The following ADAT2 variants were observed in gnomAD, a reference collection of about 807,000 sequenced individuals.
The protein encoded by ADAT2 is tRNA-specific adenosine-34 deaminase catalytic subunit ADAT2.
Under a neutral mutation model 25.9 loss-of-function variants are expected in ADAT2, and 26 were observed. The ratio of observed to expected loss-of-function variants is 1.00; its 90% CI spans 0.74 to 1.39. The LOEUF (loss-of-function observed/expected upper bound fraction) is 1.39, where lower values mean the gene tolerates loss of function less well. ADAT2 is among the 40% of genes most tolerant of loss of function. ADAT2 has a pLI of 0.00. For synonymous variants in ADAT2, 76 were observed against 86.8 expected (o/e 0.88, Z 0.69); for missense variants, 220 against 244.8 (o/e 0.90, Z 0.68).
At chr6:143,443,165 T>C (rs1360766377) in intron 1 of ADAT2, among the ~76,000 whole-genome samples, 1 of 151,866 alleles carries the variant, frequency 6.6e-6, no homozygotes, top group African/African-American at 2.4e-5. Flanking sequence ...TTTTTATACA[T>C]GTATATATCT....
In ADAT2 at chr6:143,444,927, C is replaced by T. The variant is rs1779559460; in HGVS notation, c.96+5636G>A. Reference sequence around the variant, plus strand: ...TAAAAGGGGGAGAGATGGAAACAGACCTTGTTTGCACACAGTTTGATGAGT... The same window carrying T: ...TAAAAGGGGGAGAGATGGAAACAGATCTTGTTTGCACACAGTTTGATGAGT... On this transcript the variant is annotated intron_variant, in intron 1 of 5. Transcript: ENST00000237283. This position sits in a 1 kb window ranked among gnomAD's most constrained non-coding sequence, Gnocchi z 4.3. The T allele has an allele frequency of 7.7e-7, 1 of 1,302,754 alleles. No homozygotes were observed. The highest frequency in any genetic ancestry group is 1.0e-6 in the Non-Finnish European group (1 of 988,182). 80.7% of individuals were successfully genotyped at this position (1,302,754 alleles called of 1,614,324 possible). A position where few individuals can be genotyped will look rare whatever the true frequency, so the allele number is the denominator to read the frequency against.
rs1779142724 is a variant in ADAT2, at chr6:143,432,445, A to G, written c.459+60T>C. The G allele has an allele frequency of 6.9e-7, 1 of 1,458,360 alleles. No individual in the cohort carries two copies. The highest frequency in any genetic ancestry group is 1.7e-5 in the Admixed American group (1 of 59,352). The allele number at this position is 1,458,360 out of a possible 1,614,324, so 90.3% of individuals were successfully genotyped here. A position where few individuals can be genotyped will look rare whatever the true frequency, so the allele number is the denominator to read the frequency against. The stretch of plus-strand genomic sequence containing the variant: ...ACTGGCCACACACTAGTTATTCACA[A>G]GCCCATAAAGAGATGAAAATAATTA... On this transcript the variant is annotated intron_variant, in intron 4 of 5. Transcript: ENST00000237283. This position sits in a 1 kb window ranked among gnomAD's most constrained non-coding sequence, Gnocchi z 4.4.
Position 143,444,292 on chromosome 6 carries a change from T to C in ADAT2, c.97-5598A>G. The stretch of plus-strand genomic sequence containing the variant: ...GACAAATAACGTCATTGTTGAGGAA[T>C]GGCCGAGCCTGCCATGCTGAGGATG... On this transcript the variant is annotated intron_variant, in intron 1 of 5. Transcript: ENST00000237283. This position sits in a 1 kb window ranked among gnomAD's most constrained non-coding sequence, Gnocchi z 4.3. Among the ~76,000 whole-genome samples the C allele has an allele frequency of 6.6e-6, 1 of 152,108 alleles. No homozygotes were observed. The highest frequency in any genetic ancestry group is 1.9e-4 in the East Asian group (1 of 5,194).
At position 143,437,980 on chromosome 6, in the gene ADAT2, T is replaced by A. The variant is rs1779341165; in HGVS notation, c.201+610A>T. On this transcript the variant is annotated intron_variant, in intron 2 of 5. Coordinates refer to ENST00000237283, the MANE Select transcript of ADAT2 (RefSeq NM_182503.3). The surrounding 1 kb of genome is among the most constrained non-coding windows in gnomAD (Gnocchi z 4.1). ...CTTCCCAACCTAACCACAATAAAAG[T>A]CATACAAGCTATTAAAATGTACATG... 6.6e-6 allele frequency among the ~76,000 whole-genome samples: 1 copy of A among 152,130 alleles called. No individual in the cohort carries two copies. The highest frequency in any genetic ancestry group is 1.5e-5 in the Non-Finnish European group (1 of 68,006).
At chr6:143,439,291 C>G (rs1329534718) in intron 1 of ADAT2, among the ~76,000 whole-genome samples, 1 of 135,130 alleles carries the variant, frequency 7.4e-6, no homozygotes, top group African/African-American at 2.8e-5. Flanking sequence ...AACACACACA[C>G]AGTCTATAAC....
In ADAT2 at chr6:143,428,571, T is replaced by C. The variant is rs758365745; in HGVS notation, c.532+41A>G. The C allele has an allele frequency of 6.8e-6, 11 of 1,612,672 alleles. No homozygotes were observed. In the African/African-American group the frequency reaches 1.2e-4, roughly 18 times the overall value. On this transcript the variant is annotated intron_variant, in intron 5 of 5. Transcript: ENST00000237283. The surrounding 1 kb of genome is among the most constrained non-coding windows in gnomAD (Gnocchi z 5.0). ...AAGCTCATAGCAGATTCTCTTTGTA[T>C]GGATTTAAGGGAAGGACATTATCCA...
In ADAT2 at chr6:143,435,373, G is replaced by A. The variant is rs142848195; in HGVS notation, c.202-1392C>T. Among the ~76,000 whole-genome samples the A allele has an allele frequency of 5.9e-3, 884 of 150,098 alleles. 11 individuals carry two copies. Among genetic ancestry groups the A allele is most frequent in the African/African-American group, 0.021 (823 of 39,594 alleles). On this transcript the variant is annotated intron_variant, in intron 2 of 5. Coordinates refer to ENST00000237283, the MANE Select transcript of ADAT2 (RefSeq NM_182503.3). Reference sequence around the variant, plus strand: ...GAGAGGAGGTGGTGGTGGCGACTGGGTAGTGGTGGTGGTATCAGATCCAAA... The same window carrying A: ...GAGAGGAGGTGGTGGTGGCGACTGGATAGTGGTGGTGGTATCAGATCCAAA...
At position 143,423,888 on chromosome 6, in the gene ADAT2, G is replaced by A. The variant is rs538153529; in HGVS notation, c.*4575C>T. 1 of 152,280 alleles carries A rather than the reference G, an allele frequency of 6.6e-6. No homozygotes were observed. Among genetic ancestry groups the A allele is most frequent in the East Asian group, 1.9e-4 (1 of 5,180 alleles). The allele number at this position is 152,280 out of a possible 1,614,324, so 9.4% of individuals were successfully genotyped here. On this transcript the variant is annotated 3_prime_UTR_variant, in exon 6 of 6. Transcript: ENST00000237283. ...GGCTGTATAGGCCCATCAAGAATGG[G>A]GGCCAAGGTGGAGGCCTGGTTAAAA...
In ADAT2 at chr6:143,436,868, T is replaced by A. The variant is rs919371048; in HGVS notation, c.201+1722A>T. Among the ~76,000 whole-genome samples, 1 of 152,126 alleles carries A rather than the reference T, an allele frequency of 6.6e-6. No individual in the cohort carries two copies. The highest frequency in any genetic ancestry group is 6.5e-5 in the Admixed American group (1 of 15,280). The stretch of plus-strand genomic sequence containing the variant: ...ATAGTAAAAAAAATAAATAAATAAA[T>A]AAAAATTAAAAGTATGACTTACATA... On this transcript the variant is annotated intron_variant, in intron 2 of 5. Transcript: ENST00000237283. This position sits in a 1 kb window ranked among gnomAD's most constrained non-coding sequence, Gnocchi z 4.1.
At chr6:143,429,803 G>C (rs1193678327) in intron 4 of ADAT2, among the ~76,000 whole-genome samples, 3 of 152,178 alleles carry the variant, frequency 2.0e-5, no homozygotes, top group Non-Finnish European at 4.4e-5. Context: ...ACTGTGAGAT[G>C]CTGTTCAGAA....
Position 143,442,473 on chromosome 6 carries a change from G to GCACACA in ADAT2, c.97-3780_97-3779insTGTGTG, listed in dbSNP as rs1294957925. Among the ~76,000 whole-genome samples, 4 of 75,050 alleles carry GCACACA rather than the reference G, an allele frequency of 5.3e-5. No individual in the cohort carries two copies. The highest frequency in any genetic ancestry group is 2.1e-4 in the African/African-American group (4 of 19,396). 49.2% of individuals were successfully genotyped at this position (75,050 alleles called of 152,430 possible). ...AAACATGACAAAATTGCATAGGCAC[G>GCACACA]CATACACACACACACACACACACAC... On this transcript the variant is annotated intron_variant, in intron 1 of 5. Transcript: ENST00000237283. The surrounding 1 kb of genome is among the most constrained non-coding windows in gnomAD (Gnocchi z 4.6).
Position 143,444,549 on chromosome 6 carries a change from A to G in ADAT2, c.97-5855T>C, listed in dbSNP as rs2128743495. Reference sequence around the variant, plus strand: ...TGTCAAGTCTGATCACTTCTTCACAAATGCAAAAAAGCTCAGGCAAAATGG... The same window carrying G: ...TGTCAAGTCTGATCACTTCTTCACAGATGCAAAAAAGCTCAGGCAAAATGG... On this transcript the variant is annotated intron_variant, in intron 1 of 5. Coordinates refer to ENST00000237283, the MANE Select transcript of ADAT2 (RefSeq NM_182503.3). This position sits in a 1 kb window ranked among gnomAD's most constrained non-coding sequence, Gnocchi z 4.3. 1 of 154,782 alleles carries G rather than the reference A, an allele frequency of 6.5e-6. No homozygotes were observed. Among genetic ancestry groups the G allele is most frequent in the East Asian group, 1.9e-4 (1 of 5,270 alleles). The allele number at this position is 154,782 out of a possible 1,614,324, so 9.6% of individuals were successfully genotyped here. A position where few individuals can be genotyped will look rare whatever the true frequency, so the allele number is the denominator to read the frequency against.
At chr6:143,431,486 C>T (rs114230444) in intron 4 of ADAT2, among the ~76,000 whole-genome samples, 255 of 152,322 alleles carry the variant, frequency 1.7e-3, no homozygotes, top group African/African-American at 6.1e-3. Context: ...AATCAAATCA[C>T]TTTCTAAATG....
At position 143,434,722 on chromosome 6, in the gene ADAT2, C is replaced by T. The variant is rs779381196; in HGVS notation, c.202-741G>A. ...AATCTGAATTACATGAAGCATGGTG[C>T]CACATAATACTACACATGTACTCTG... On this transcript the variant is annotated intron_variant, in intron 2 of 5. Coordinates refer to ENST00000237283, the MANE Select transcript of ADAT2 (RefSeq NM_182503.3). The surrounding 1 kb of genome is among the most constrained non-coding windows in gnomAD (Gnocchi z 4.5). 6.6e-6 allele frequency among the ~76,000 whole-genome samples: 1 copy of T among 152,168 alleles called. No homozygotes were observed. Among genetic ancestry groups the T allele is most frequent in the Non-Finnish European group, 1.5e-5 (1 of 68,040 alleles).
chr6:143,450,346 C>T (rs1189925602), intron 1 of ADAT2, among the ~76,000 whole-genome samples: 1 of 152,186 alleles, frequency 6.6e-6, no homozygotes. Context: ...CGCAATGAAA[C>T]AAATAATTTG....
At chr6:143,445,780 G>C (rs1046152172) in intron 1 of ADAT2, among the ~76,000 whole-genome samples, 1 of 152,070 alleles carries the variant, frequency 6.6e-6, no homozygotes, top group African/African-American at 2.4e-5. Flanking sequence ...TATGCACCCA[G>C]CACAAGGTCT....
In ADAT2 at chr6:143,440,319, G is replaced by A. The variant is rs1779420325; in HGVS notation, c.97-1625C>T. Among the ~76,000 whole-genome samples, 1 of 152,188 alleles carries A rather than the reference G, an allele frequency of 6.6e-6. No individual in the cohort carries two copies. Among genetic ancestry groups the A allele is most frequent in the African/African-American group, 2.4e-5 (1 of 41,436 alleles). The stretch of plus-strand genomic sequence containing the variant: ...GTTAAAACAGTGTCTTCTGTCTCCT[G>A]CACCAGTCTCTTACTCCCAGTTCTA... On this transcript the variant is annotated intron_variant, in intron 1 of 5. Transcript: ENST00000237283. This position sits in a 1 kb window ranked among gnomAD's most constrained non-coding sequence, Gnocchi z 4.5.
At position 143,440,637 on chromosome 6, in the gene ADAT2, T is replaced by C. The variant is rs1484596207; in HGVS notation, c.97-1943A>G. Among the ~76,000 whole-genome samples, 24 of 152,152 alleles carry C rather than the reference T, an allele frequency of 1.6e-4. No homozygotes were observed. The highest frequency in any genetic ancestry group is 1.6e-3 in the Admixed American group (24 of 15,272). ...GTTCTGTGACAGTGGTTAAAGCATGTCCAGTTTATGCAAGTTCAAAAGGCT... is the reference window on the plus strand; with the variant it reads ...GTTCTGTGACAGTGGTTAAAGCATGCCCAGTTTATGCAAGTTCAAAAGGCT... On this transcript the variant is annotated intron_variant, in intron 1 of 5. Coordinates refer to ENST00000237283, the MANE Select transcript of ADAT2 (RefSeq NM_182503.3). The surrounding 1 kb of genome is among the most constrained non-coding windows in gnomAD (Gnocchi z 4.5).
In ADAT2 at chr6:143,442,707, C is replaced by T. The variant is rs1306598216; in HGVS notation, c.97-4013G>A. Among the ~76,000 whole-genome samples, 2 of 151,978 alleles carry T rather than the reference C, an allele frequency of 1.3e-5. No individual in the cohort carries two copies. The highest frequency in any genetic ancestry group is 3.2e-3 in the Middle Eastern group (1 of 316). On this transcript the variant is annotated intron_variant, in intron 1 of 5. Coordinates refer to ENST00000237283, the MANE Select transcript of ADAT2 (RefSeq NM_182503.3). The surrounding 1 kb of genome is among the most constrained non-coding windows in gnomAD (Gnocchi z 4.6). ...CAAAATGAAAGTTAAAAAATAAGTA[C>T]AGGTAAACAAAAAGGATTTTGCAAT...
Sources: allele counts gnomAD v4.1 joint callset (sites outside exome capture counted in the v4.1 genomes callset), GRCh38; gene constraint gnomAD v4.1.1; non-coding constraint Gnocchi (gnomAD v3.1); transcripts MANE v1.5; gene names NCBI Gene and HGNC (gene_info 2026-07-23, HGNC 2026-07-21).